HACE1: variants seen among roughly 807,000 people sequenced by gnomAD.
HACE1 encodes HECT domain and ankyrin repeat containing E3 ubiquitin protein ligase 1.
Under a neutral mutation model 118.4 loss-of-function variants are expected in HACE1, and 73 were observed. That is an observed-to-expected ratio of 0.62 (90% CI 0.51 to 0.75). The LOEUF (loss-of-function observed/expected upper bound fraction) is 0.75. HACE1 is among the 30% of genes least tolerant of loss of function. HACE1 has a pLI of 0.00. For synonymous variants in HACE1, 368 were observed against 374.8 expected (o/e 0.98, Z 0.21); for missense variants, 749 against 1,102.2 (o/e 0.68, Z 4.54).
In HACE1 at chr6:104,832,594, G is replaced by A. The variant is rs140467732; in HGVS notation, c.534+448C>T. Among the ~76,000 whole-genome samples, 773 of 151,954 alleles carry A rather than the reference G, an allele frequency of 5.1e-3. 1 individual carries two copies. The highest frequency in any genetic ancestry group is 7.1e-3 in the Non-Finnish European group (485 of 67,978). On this transcript the variant is annotated intron_variant, in intron 6 of 23. Coordinates refer to ENST00000262903, the MANE Select transcript of HACE1 (RefSeq NM_020771.4). ...GTATTTTTAGTAGAGATGGGGTTTC[G>A]CCATGTTGCCCAGGCTGAACTCCTG... is the stretch of plus-strand genomic sequence containing the variant.
At chr6:104,804,850 A>T (rs1045108563) in intron 7 of HACE1, among the ~76,000 whole-genome samples, 1 of 152,158 alleles carries the variant, frequency 6.6e-6, no homozygotes, top group African/African-American at 2.4e-5. Flanking sequence ...AAGCCAAAAC[A>T]GACAAATGGG....
chr6:104,790,068 GA>G (rs201619324), intron 11 of HACE1, among the ~76,000 whole-genome samples: 65 of 127,950 alleles, frequency 5.1e-4, no homozygotes, highest in African/African-American at 5.5e-4. Flanking sequence ...GGCACAATAA[GA>G]AAAAAAAAAA....
Position 104,822,539 on chromosome 6 carries a change from T to C in HACE1, c.534+10503A>G, listed in dbSNP as rs921109184. Among the ~76,000 whole-genome samples, 5 of 150,878 alleles carry C rather than the reference T, an allele frequency of 3.3e-5. No individual in the cohort carries two copies. The Admixed American group carries it at 3.3e-4, about 10-fold the overall frequency. On this transcript the variant is annotated intron_variant, in intron 6 of 23. Coordinates refer to ENST00000262903, the MANE Select transcript of HACE1 (RefSeq NM_020771.4). ...CTACGCTCCGGCCGGTTCAACAGAG[T>C]GAAACCCTGTCTCTAAATAAAAAAT...
intron 19 of HACE1, among the ~76,000 whole-genome samples, chr6:104,757,750 A>G (rs1043120460): frequency 6.6e-6 from 1 of 152,188 alleles, no homozygotes; most frequent in African/African-American, 2.4e-5. Context: ...AACTTCTCCA[A>G]ATTAAAGGAG....
At chr6:104,802,308 C>T (rs1279952547) in intron 7 of HACE1, among the ~76,000 whole-genome samples, 1 of 152,130 alleles carries the variant, frequency 6.6e-6, no homozygotes, top group African/African-American at 2.4e-5. Flanking sequence ...GACAGATCAA[C>T]ATGACAGAAG....
At chr6:104,755,204 G>C (rs888694012) in intron 19 of HACE1, among the ~76,000 whole-genome samples, 1 of 152,034 alleles carries the variant, frequency 6.6e-6, no homozygotes, top group South Asian at 2.1e-4. Context: ...TTACATAATG[G>C]TAAAAGGTTC....
intron 6 of HACE1, among the ~76,000 whole-genome samples, chr6:104,813,768 A>G (rs1309524505): frequency 7.2e-6 from 1 of 138,392 alleles, no homozygotes; most frequent in African/African-American, 2.9e-5. Flanking sequence ...ACAATATTAA[A>G]AATACAACTG....
chr6:104,834,842 T>C (rs916668060), intron 5 of HACE1, among the ~76,000 whole-genome samples: 2 of 152,202 alleles, frequency 1.3e-5, no homozygotes, highest in African/African-American at 2.4e-5. Flanking sequence ...TGAAAGTTTA[T>C]TTAATAAGAT....
At position 104,815,767 on chromosome 6, in the gene HACE1, A is replaced by C. The variant is rs1772042874; in HGVS notation, c.535-4374T>G. Among the ~76,000 whole-genome samples the C allele has an allele frequency of 2.2e-5, 3 of 138,452 alleles. No homozygotes were observed. In the South Asian group the frequency reaches 6.7e-4, roughly 31 times the overall value. 90.8% of individuals were successfully genotyped at this position (138,452 alleles called of 152,430 possible). ...TCACAAAGAGATGGTTTGAAATTGG[A>C]ATATGTTTAAAAGGGAAACAGAGGG... On this transcript the variant is annotated intron_variant, in intron 6 of 23. Transcript: ENST00000262903.
chr6:104,780,076 A>T (rs1322335080), intron 14 of HACE1, among the ~76,000 whole-genome samples: 1 of 152,192 alleles, frequency 6.6e-6, no homozygotes, highest in Non-Finnish European at 1.5e-5. Flanking sequence ...CAATAAATAG[A>T]TACTGTTCTT....
At chr6:104,752,321 A>G (rs1287438702) in intron 19 of HACE1, among the ~76,000 whole-genome samples, 1 of 152,178 alleles carries the variant, frequency 6.6e-6, no homozygotes. Context: ...CTGGAGTCCA[A>G]CCCGGGAAAT....
In HACE1 at chr6:104,730,330, G is replaced by T; in HGVS notation, c.2600C>A (p.Pro867Gln). The change falls in exon 23 of 24, where the codon CCA (proline) becomes CAA (glutamine). Residue 867 changes from proline (P) to glutamine (Q), a missense_variant. By Grantham distance (76) the Pro-to-Gln change is moderately conservative. Transcript: ENST00000262903. ...TGTGCTTGAAGTTGGTAAAAGATTT[G>T]GAGTATATGGCACAGCAGCGATTGT... is the stretch of plus-strand genomic sequence containing the variant. ...NFTIAAVPYT[P>Q]NLLPTSSTCI... 1.3e-6 allele frequency: 2 copies of T among 1,566,000 alleles called. No individual in the cohort carries two copies. The highest frequency in any genetic ancestry group is 1.1e-5 in the South Asian group (1 of 90,142).
chr6:104,777,749 T>C (rs1363556933), intron 14 of HACE1, among the ~76,000 whole-genome samples: 1 of 152,132 alleles, frequency 6.6e-6, no homozygotes, highest in African/African-American at 2.4e-5. Flanking sequence ...TTTATTTTGG[T>C]TTATTGTTGT....
chr6:104,797,894 C>A (rs958417011), intron 7 of HACE1, among the ~76,000 whole-genome samples: 1 of 151,750 alleles, frequency 6.6e-6, no homozygotes, highest in East Asian at 1.9e-4. Context: ...CATGGTGAAA[C>A]CCTGTCTCTA....
chr6:104,780,912 G>T (rs1188921204), intron 14 of HACE1, among the ~76,000 whole-genome samples: 1 of 152,084 alleles, frequency 6.6e-6, no homozygotes, highest in African/African-American at 2.4e-5. Context: ...AAAACTGACT[G>T]CAGGTCAGTT....
Position 104,852,391 on chromosome 6 carries a change from G to T in HACE1, c.77-20C>A. 1 of 1,067,038 alleles carries T rather than the reference G, an allele frequency of 9.4e-7. No homozygotes were observed. Among genetic ancestry groups the T allele is most frequent in the South Asian group, 1.3e-5 (1 of 75,912 alleles). 66.1% of individuals were successfully genotyped at this position (1,067,038 alleles called of 1,614,324 possible). ...CATTATCTGAGTAAAAAAAAACAAA[G>T]AGTTCATTTATCCCCTACTTTGTGC... On this transcript the variant is annotated intron_variant, in intron 1 of 23. Coordinates refer to ENST00000262903, the MANE Select transcript of HACE1 (RefSeq NM_020771.4).
intron 1 of HACE1, chr6:104,858,607 C>A: frequency 3.9e-6 from 1 of 256,960 alleles, no homozygotes; most frequent in Non-Finnish European, 7.9e-6. Flanking sequence ...CTGCCAAGGT[C>A]TCCTTCCCTA....
At chr6:104,750,579 C>T (rs1777936341) in intron 19 of HACE1, 107 bp from the exon 20 acceptor site, 1 of 1,016,690 alleles carries the variant, frequency 9.8e-7, no homozygotes. Context: ...ATAAAATTGA[C>T]ACCAACACTC....
chr6:104,777,861 G>A (rs2114752014), intron 14 of HACE1, among the ~76,000 whole-genome samples: 1 of 152,330 alleles, frequency 6.6e-6, no homozygotes, highest in Non-Finnish European at 1.5e-5. Context: ...CTGAATTCAA[G>A]TGATTCTCCT....
Sources: allele counts gnomAD v4.1 joint callset (sites outside exome capture counted in the v4.1 genomes callset), GRCh38; gene constraint gnomAD v4.1.1; transcripts MANE v1.5; gene names NCBI Gene and HGNC (gene_info 2026-07-23, HGNC 2026-07-21).